CYSLTR1: variants seen among roughly 807,000 people sequenced by gnomAD.
CYSLTR1 encodes G-protein coupled receptor HG55.
In CYSLTR1, 1 loss-of-function variant was observed where a neutral mutation model predicts 2.1. That is an observed-to-expected ratio of 0.48 (90% CI 0.17 to 2.28). The LOEUF is 2.28. Among genes scored for constraint, CYSLTR1 ranks in the 30% most tolerant of loss-of-function variants. CYSLTR1 has a pLI of 0.26. For missense variants in CYSLTR1, 299 were observed against 250.1 expected (o/e 1.20, Z -1.32); for synonymous variants, 110 against 89.6 (o/e 1.23, Z -1.28).
chrX:78,323,451 C>A (rs991231080), intron 1 of CYSLTR1, among the ~76,000 whole-genome samples: 2 of 111,787 alleles, frequency 1.8e-5, no homozygotes, highest in African/African-American at 6.5e-5. Context: ...TGAAAAGAAG[C>A]CTTATTACCT....
chrX:78,290,325 C>A (rs183344996), intron 1 of CYSLTR1, among the ~76,000 whole-genome samples: 1 of 111,230 alleles, frequency 9.0e-6, no homozygotes, highest in African/African-American at 3.3e-5. Flanking sequence ...GTCTGTATAC[C>A]TGTTTTGGTA....
At chrX:78,309,780 T>C (rs1260499209) in intron 1 of CYSLTR1, among the ~76,000 whole-genome samples, 1 of 111,194 alleles carries the variant, frequency 9.0e-6, no homozygotes, top group Non-Finnish European at 1.9e-5. Context: ...TCTAATACAC[T>C]CCCCTCATGA....
At chrX:78,303,989 A>T (rs1243773357) in intron 1 of CYSLTR1, among the ~76,000 whole-genome samples, 1 of 111,781 alleles carries the variant, frequency 8.9e-6, no homozygotes, top group Non-Finnish European at 1.9e-5. Flanking sequence ...ATGAAGAGAA[A>T]CACGGACATA....
intron 1 of CYSLTR1, among the ~76,000 whole-genome samples, chrX:78,296,624 T>A: frequency 8.9e-6 from 1 of 111,816 alleles, no homozygotes; most frequent in South Asian, 3.7e-4. Flanking sequence ...CTTTGGTTAA[T>A]TCCTAGGTAT....
At chrX:78,311,489 A>C (rs1341698386) in intron 1 of CYSLTR1, among the ~76,000 whole-genome samples, 1 of 111,891 alleles carries the variant, frequency 8.9e-6, no homozygotes, top group Non-Finnish European at 1.9e-5. Context: ...TCCTAGACAA[A>C]GCAATTAGGC....
intron 1 of CYSLTR1, among the ~76,000 whole-genome samples, chrX:78,290,916 A>G (rs1215593369): frequency 1.8e-5 from 2 of 111,754 alleles, no homozygotes; most frequent in African/African-American, 6.5e-5. Context: ...GGACAATTTG[A>G]CTTCCTCTTT....
chrX:78,317,823 C>T (rs1009213799), intron 1 of CYSLTR1, among the ~76,000 whole-genome samples: 13 of 111,053 alleles, frequency 1.2e-4, no homozygotes, highest in Non-Finnish European at 1.5e-4. Context: ...TTTGGGGACT[C>T]GGGGAAGGGT....
intron 1 of CYSLTR1, among the ~76,000 whole-genome samples, chrX:78,284,733 G>T (rs1393166439): frequency 1.0e-5 from 1 of 97,157 alleles, no homozygotes; most frequent in Non-Finnish European, 2.0e-5. Flanking sequence ...GTAGAAACAG[G>T]CTGGAACTTT....
intron 2 of CYSLTR1, among the ~76,000 whole-genome samples, chrX:78,280,775 C>A (rs1189502707): frequency 2.7e-5 from 3 of 111,321 alleles, no homozygotes; most frequent in Admixed American, 1.9e-4. Flanking sequence ...CTGTTGTTCT[C>A]TTCTTTGTGT....
In CYSLTR1 at chrX:78,273,218, G is replaced by T; in HGVS notation, c.529C>A (p.Pro177Thr). ...EKNNTKCFEP[P>T]QDNQTKNHVL... ...TGATTTTTAGTTTGATTGTCTTGTG[G>T]GGGCTCAAAGCACTTGGTATTATTT... The change falls in exon 3 of 3, where the codon CCA (proline) becomes ACA (threonine). Residue 177 changes from proline to threonine, a missense_variant. By Grantham distance (38) the Pro-to-Thr change is conservative. Transcript: ENST00000373304. The T allele has an allele frequency of 8.3e-7, 1 of 1,210,792 alleles. No homozygotes were observed. The highest frequency in any genetic ancestry group is 1.1e-6 in the Non-Finnish European group (1 of 895,183).
chrX:78,325,169 G>A (rs1186626598), intron 1 of CYSLTR1, among the ~76,000 whole-genome samples: 1 of 111,893 alleles, frequency 8.9e-6, no homozygotes, highest in African/African-American at 3.3e-5. Context: ...ATTCCTTTTA[G>A]AGTTCACATT....
chrX:78,316,150 T>C (rs1364133879), intron 1 of CYSLTR1, among the ~76,000 whole-genome samples: 4 of 112,402 alleles, frequency 3.6e-5, no homozygotes, highest in Non-Finnish European at 7.5e-5. Context: ...TCCAAGACCA[T>C]CAAGGTAAAA....
chrX:78,320,226 G>C (rs1226917770), intron 1 of CYSLTR1: 1 of 111,468 alleles, frequency 9.0e-6, no homozygotes, highest in Non-Finnish European at 1.9e-5. Flanking sequence ...TTTCTTCTAG[G>C]GTTTTTATGG....
chrX:78,282,175 CAAAAACTACTCAT>C (rs1281639818), intron 2 of CYSLTR1, among the ~76,000 whole-genome samples: 1 of 111,957 alleles, frequency 8.9e-6, no homozygotes, highest in African/African-American at 3.2e-5. Flanking sequence ...TTTGCATATG[CAAAAACTACTCAT>C]CATTCAGCTC....
intron 1 of CYSLTR1, among the ~76,000 whole-genome samples, chrX:78,290,698 A>G (rs1401315451): frequency 9.0e-6 from 1 of 111,212 alleles, no homozygotes; most frequent in Non-Finnish European, 1.9e-5. Context: ...ATTCCTAGGT[A>G]TTTTATTCTC....
intron 1 of CYSLTR1, chrX:78,321,463 A>G (rs1240629043): frequency 9.1e-6 from 1 of 110,362 alleles, no homozygotes; most frequent in Non-Finnish European, 1.9e-5. Context: ...GACCAAGGTG[A>G]GTGAATCACC....
At chrX:78,314,785 T>C (rs1160003374) in intron 1 of CYSLTR1, among the ~76,000 whole-genome samples, 4 of 109,818 alleles carry the variant, frequency 3.6e-5, no homozygotes, top group Non-Finnish European at 5.7e-5. Context: ...CCTGCATGCC[T>C]TGCCACCAGG....
At chrX:78,301,744 G>A (rs1922828842) in intron 1 of CYSLTR1, among the ~76,000 whole-genome samples, 1 of 111,759 alleles carries the variant, frequency 8.9e-6, no homozygotes, top group Non-Finnish European at 1.9e-5. Context: ...CCACATCTTT[G>A]GGTATCTTTA....
At chrX:78,297,468 C>A (rs1922623718) in intron 1 of CYSLTR1, among the ~76,000 whole-genome samples, 1 of 111,352 alleles carries the variant, frequency 9.0e-6, no homozygotes, top group East Asian at 2.8e-4. Context: ...GGTATGAGTT[C>A]TTTAAATGTT....
Sources: gnomAD v4.1 joint callset for allele counts (sites outside exome capture counted in the v4.1 genomes callset) on GRCh38, gnomAD v4.1.1 for gene constraint, MANE v1.5 for transcripts, NCBI Gene and HGNC (gene_info 2026-07-23, HGNC 2026-07-21) for gene names.